Variants in THSD7B observed in about 807,000 individuals in gnomAD.
The protein encoded by THSD7B is thrombospondin type 1 domain containing 7B.
A neutral mutation model predicts 213.6 loss-of-function variants in THSD7B; 138 were observed. The ratio of observed to expected loss-of-function variants is 0.65; its 90% CI spans 0.56 to 0.74. THSD7B has a LOEUF of 0.74. Ranked by LOEUF, THSD7B falls within the 30% of genes least tolerant of loss-of-function variation. THSD7B has a pLI of 0.00. For missense variants in THSD7B, 1,931 were observed against 1,991.5 expected (o/e 0.97, Z 0.58); for synonymous variants, 742 against 687.0 (o/e 1.08, Z -1.25).
intron 15 of THSD7B, among the ~76,000 whole-genome samples, chr2:137,514,968 A>G (rs1315822352): frequency 1.3e-5 from 2 of 152,216 alleles, no homozygotes; most frequent in African/African-American, 4.8e-5. Context: ...AGAAGCAAAT[A>G]CTGAACATCA....
chr2:137,223,510 A>G (rs1681419680), intron 7 of THSD7B, among the ~76,000 whole-genome samples: 1 of 152,196 alleles, frequency 6.6e-6, no homozygotes, highest in South Asian at 2.1e-4. Context: ...GTTACTTTAA[A>G]TGGATACCTT....
chr2:137,676,664 C>A lies in THSD7B; in HGVS notation c.*59C>A. 3.5e-6 allele frequency: 5 copies of A among 1,421,556 alleles called. No homozygotes were observed. The highest frequency in any genetic ancestry group is 3.8e-6 in the Non-Finnish European group (4 of 1,062,598). 88.1% of individuals were successfully genotyped at this position (1,421,556 alleles called of 1,614,324 possible). The stretch of plus-strand genomic sequence containing the variant: ...GCCTTAACCGCTTTCTCTTTTGTAG[C>A]TCTCAGACTTCTCAGTTTTTTGAGG... On this transcript the variant is annotated 3_prime_UTR_variant, in exon 28 of 28. Coordinates refer to ENST00000409968, the MANE Select transcript of THSD7B (RefSeq NM_001316349.2).
At chr2:137,320,794 T>G (rs1684248314) in intron 12 of THSD7B, among the ~76,000 whole-genome samples, 1 of 152,210 alleles carries the variant, frequency 6.6e-6, no homozygotes, top group South Asian at 2.1e-4. Flanking sequence ...TTCTTTACCT[T>G]GAATGTCCTT....
intron 14 of THSD7B, among the ~76,000 whole-genome samples, chr2:137,443,341 T>C (rs530958137): frequency 1.3e-5 from 2 of 152,268 alleles, no homozygotes; most frequent in Middle Eastern, 3.4e-3. Flanking sequence ...AGTCAAGCCA[T>C]TAGCCAAATC....
intron 15 of THSD7B, among the ~76,000 whole-genome samples, chr2:137,494,317 C>T (rs552117882): frequency 6.6e-6 from 1 of 152,150 alleles, no homozygotes; most frequent in South Asian, 2.1e-4. Context: ...TCATAAGATT[C>T]AGGAGAGCAG....
chr2:136,887,741 C>T (rs905797399), intron 2 of THSD7B, among the ~76,000 whole-genome samples: 5 of 152,028 alleles, frequency 3.3e-5, no homozygotes, highest in African/African-American at 1.2e-4. Context: ...TTATAAATTA[C>T]CTAGTCTTGG....
At chr2:136,903,610 G>A (rs1684097374) in intron 2 of THSD7B, among the ~76,000 whole-genome samples, 1 of 152,132 alleles carries the variant, frequency 6.6e-6, no homozygotes, top group African/African-American at 2.4e-5. Context: ...CTGGGTGACA[G>A]AGGCACATGG....
chr2:137,201,053 A>G (rs1680866529), intron 7 of THSD7B, among the ~76,000 whole-genome samples: 1 of 152,168 alleles, frequency 6.6e-6, no homozygotes. Flanking sequence ...TTCAAACAGC[A>G]TTGTTTCCAA....
chr2:136,965,495 G>T (rs959330511), intron 2 of THSD7B, among the ~76,000 whole-genome samples: 6 of 152,294 alleles, frequency 3.9e-5, no homozygotes, highest in Middle Eastern at 3.4e-3. Context: ...AAAGTGTTCT[G>T]GGTAGTGGGG....
chr2:137,561,149 A>G (rs1212993672), intron 15 of THSD7B, among the ~76,000 whole-genome samples: 1 of 152,208 alleles, frequency 6.6e-6, no homozygotes, highest in East Asian at 1.9e-4. Flanking sequence ...CTGTCTTCCA[A>G]TAGCTTGACA....
intron 1 of THSD7B, among the ~76,000 whole-genome samples, chr2:136,765,977 C>A (rs1377886645): frequency 6.6e-6 from 1 of 152,204 alleles, no homozygotes; most frequent in Non-Finnish European, 1.5e-5. Flanking sequence ...ACCTGAGCAC[C>A]GACCTCATGC....
intron 15 of THSD7B, among the ~76,000 whole-genome samples, chr2:137,555,225 G>A (rs545340022): frequency 6.6e-6 from 1 of 152,298 alleles, no homozygotes; most frequent in East Asian, 1.9e-4. Context: ...TTTGAGATTG[G>A]AGAATGGACA....
intron 2 of THSD7B, among the ~76,000 whole-genome samples, chr2:136,961,530 A>G (rs1230927182): frequency 2.0e-5 from 3 of 152,042 alleles, no homozygotes; most frequent in Admixed American, 6.6e-5. Flanking sequence ...TGTATTTTTC[A>G]ATATAAATCG....
chr2:136,830,100 C>T (rs1334987077), intron 1 of THSD7B, among the ~76,000 whole-genome samples: 2 of 151,810 alleles, frequency 1.3e-5, no homozygotes, highest in African/African-American at 4.9e-5. Flanking sequence ...TACCAGATGT[C>T]ATTTTCTTTG....
chr2:137,236,048 A>G (rs1350174996), intron 9 of THSD7B, among the ~76,000 whole-genome samples: 1 of 152,222 alleles, frequency 6.6e-6, no homozygotes, highest in Non-Finnish European at 1.5e-5. Flanking sequence ...ACCCAAGGAG[A>G]TTATCAGCAA....
At chr2:136,851,621 CTT>C (rs1683100288) in intron 1 of THSD7B, among the ~76,000 whole-genome samples, 1 of 152,066 alleles carries the variant, frequency 6.6e-6, no homozygotes, top group Non-Finnish European at 1.5e-5. Flanking sequence ...ACTGGGGTGA[CTT>C]TGTTCTATTT....
intron 1 of THSD7B, among the ~76,000 whole-genome samples, chr2:136,854,177 T>TGG (rs140588358): frequency 2.6e-5 from 4 of 151,912 alleles, no homozygotes; most frequent in African/African-American, 9.7e-5. Context: ...AGGAAACAGC[T>TGG]GGGGGGGAAT....
chr2:137,325,518 A>C (rs913220757), intron 12 of THSD7B, among the ~76,000 whole-genome samples: 9 of 152,116 alleles, frequency 5.9e-5, no homozygotes, highest in Non-Finnish European at 1.3e-4. Context: ...GACCTGTAAA[A>C]TAAAGAGACT....
chr2:137,642,138 T>C, intron 20 of THSD7B: 1 of 182,518 alleles, frequency 5.5e-6, no homozygotes, highest in Non-Finnish European at 1.2e-5. Flanking sequence ...CATAGCACAC[T>C]ACAGGATGCC....
Sources: allele counts gnomAD v4.1 joint callset (sites outside exome capture counted in the v4.1 genomes callset), GRCh38; gene constraint gnomAD v4.1.1; transcripts MANE v1.5; gene names NCBI Gene and HGNC (gene_info 2026-07-23, HGNC 2026-07-21).